CD300LB: variants seen among roughly 807,000 people sequenced by gnomAD.
CD300LB encodes the protein CMRF35-like molecule 7.
In CD300LB, 18 loss-of-function variants were observed where a neutral mutation model predicts 20.8. The observed-to-expected ratio is 0.87, with a 90% CI of 0.60 to 1.28. The LOEUF (loss-of-function observed/expected upper bound fraction) is 1.28. Among genes scored for constraint, CD300LB ranks in the 50% most tolerant of loss-of-function variants. The pLI is 0.00. For missense variants in CD300LB, 222 were observed against 251.8 expected, an observed-to-expected ratio of 0.88 and a Z score of 0.80; for synonymous variants, 91 against 91.3, an observed-to-expected ratio of 1.00 and a Z score of 0.02.
intron 2 of CD300LB, among the ~76,000 whole-genome samples, chr17:74,525,496 C>A (rs1364224931): frequency 6.6e-6 from 1 of 152,168 alleles, no homozygotes; most frequent in Non-Finnish European, 1.5e-5. Flanking sequence ...ACCCCCATCC[C>A]AAGCCCCACC....
chr17:74,528,517 G>A (rs954072570), intron 1 of CD300LB, among the ~76,000 whole-genome samples: 2 of 152,202 alleles, frequency 1.3e-5, no homozygotes, highest in Non-Finnish European at 2.9e-5. Context: ...CAAACCAGCA[G>A]CTCCACCACC....
At position 74,521,840 on chromosome 17, in the gene CD300LB, T is replaced by TGAGGA; in HGVS notation, c.*893_*897dup. On this transcript the variant is annotated 3_prime_UTR_variant, in exon 4 of 4. Coordinates refer to ENST00000392621, the MANE Select transcript of CD300LB (RefSeq NM_174892.4). Reference sequence around the variant, plus strand: ...GCCTCATCGCCGTGGGTGAAGCCTGTGAGGAGACAGAACCACTTCCCTAGG... The same window carrying TGAGGA: ...GCCTCATCGCCGTGGGTGAAGCCTGTGAGGAGAGGAGACAGAACCACTTCCCTAGG... 1 of 985,456 alleles carries TGAGGA rather than the reference T, an allele frequency of 1.0e-6. No individual in the cohort carries two copies. Among genetic ancestry groups the TGAGGA allele is most frequent in the Non-Finnish European group, 1.2e-6 (1 of 829,964 alleles). The allele number at this position is 985,456 out of a possible 1,614,324, so 61.0% of individuals were successfully genotyped here.
chr17:74,522,973 G>A, intron 3 of CD300LB, 73 bp from the exon 4 acceptor site: 4 of 1,438,686 alleles, frequency 2.8e-6, no homozygotes, highest in Non-Finnish European at 3.8e-6. Flanking sequence ...CTGACCCTGT[G>A]AGCCACCAGC....
intron 1 of CD300LB, among the ~76,000 whole-genome samples, chr17:74,526,876 C>T (rs562146141): frequency 4.6e-5 from 7 of 152,298 alleles, no homozygotes; most frequent in South Asian, 2.1e-4. Context: ...CAGCACACTG[C>T]GGGGGTACCC....
At chr17:74,524,082 G>C (rs1466536879) in intron 2 of CD300LB, among the ~76,000 whole-genome samples, 3 of 152,160 alleles carry the variant, frequency 2.0e-5, no homozygotes, top group Non-Finnish European at 4.4e-5. Context: ...AAAAGGGAAA[G>C]GGGACTCCAG....
At position 74,522,459 on chromosome 17, in the gene CD300LB, G is replaced by A; in HGVS notation, c.*279C>T. Reference sequence around the variant, plus strand: ...TCTGTGCCCGAGTTATTCCAGCAGTGGGGACAGAGTCGTCCAGTGCTTGAG... The same window carrying A: ...TCTGTGCCCGAGTTATTCCAGCAGTAGGGACAGAGTCGTCCAGTGCTTGAG... On this transcript the variant is annotated 3_prime_UTR_variant, in exon 4 of 4. Transcript: ENST00000392621. The A allele has an allele frequency of 2.6e-6, 3 of 1,156,024 alleles. No homozygotes were observed. The highest frequency in any genetic ancestry group is 3.2e-6 in the Non-Finnish European group (3 of 934,152). The allele number at this position is 1,156,024 out of a possible 1,614,324, so 71.6% of individuals were successfully genotyped here.
Position 74,522,289 on chromosome 17 carries a change from C to G in CD300LB, c.*449G>C, listed in dbSNP as rs1907903423. The stretch of plus-strand genomic sequence containing the variant: ...TCCTATGAACATAAGTCATTAAAAC[C>G]CAACTTTGCTAGAAAAAAAAAAATT... On this transcript the variant is annotated 3_prime_UTR_variant, in exon 4 of 4. Coordinates refer to ENST00000392621, the MANE Select transcript of CD300LB (RefSeq NM_174892.4). The G allele has an allele frequency of 3.0e-6, 3 of 987,466 alleles. No homozygotes were observed. The highest frequency in any genetic ancestry group is 1.1e-4 in the East Asian group (1 of 8,878). The allele number at this position is 987,466 out of a possible 1,614,324, so 61.2% of individuals were successfully genotyped here.
chr17:74,528,350 T>A (rs1908097148), intron 1 of CD300LB, among the ~76,000 whole-genome samples: 3 of 152,094 alleles, frequency 2.0e-5, no homozygotes, highest in Admixed American at 2.0e-4. Context: ...TGCACCTCAA[T>A]TTTAACCAGT....
Position 74,525,966 on chromosome 17 carries a change from C to A in CD300LB, c.152G>T (p.Arg51Leu). The A allele has an allele frequency of 6.2e-7, 1 of 1,614,142 alleles. No homozygotes were observed. The highest frequency in any genetic ancestry group is 8.5e-7 in the Non-Finnish European group (1 of 1,180,040). ...GWETYIKWWCRGVRWDTCKIL... is the reference protein window; with the variant it reads ...GWETYIKWWCLGVRWDTCKIL... ...CTTGCATGTATCCCAGCGCACCCCT[C>A]GGCACCACCACTTAATGTAGGTCTC... The change falls in exon 2 of 4, where the codon CGA becomes CTA. Residue 51 changes from arginine to leucine, a missense_variant. Arg to Leu is a moderately radical substitution (Grantham distance 102, BLOSUM62 -2). Coordinates refer to ENST00000392621, the MANE Select transcript of CD300LB (RefSeq NM_174892.4).
At chr17:74,528,548 G>T (rs1908102219) in intron 1 of CD300LB, among the ~76,000 whole-genome samples, 1 of 152,076 alleles carries the variant, frequency 6.6e-6, no homozygotes, top group Non-Finnish European at 1.5e-5. Context: ...GAAGAGCTTG[G>T]CATCTTCTTT....
chr17:74,522,122 C>G lies in CD300LB; in HGVS notation c.*616G>C, dbSNP rs1907897483. The G allele has an allele frequency of 1.0e-6, 1 of 985,336 alleles. No individual in the cohort carries two copies. Among genetic ancestry groups the G allele is most frequent in the South Asian group, 4.7e-5 (1 of 21,304 alleles). 61.0% of individuals were successfully genotyped at this position (985,336 alleles called of 1,614,324 possible). A position where few individuals can be genotyped will look rare whatever the true frequency, so the allele number is the denominator to read the frequency against. On this transcript the variant is annotated 3_prime_UTR_variant, in exon 4 of 4. Coordinates refer to ENST00000392621, the MANE Select transcript of CD300LB (RefSeq NM_174892.4). ...GGGGAGGACAAGCACCGGGCCGGGC[C>G]AGGGAGGTTCCCATTGCCTCCTCAG...
chr17:74,531,346 C>A lies in CD300LB; in HGVS notation c.5G>T (p.Trp2Leu), dbSNP rs1349195321. The A allele has an allele frequency of 1.9e-6, 3 of 1,609,774 alleles. No individual in the cohort carries two copies. The highest frequency in any genetic ancestry group is 1.1e-5 in the South Asian group (1 of 90,552). M[W>L]LPPALLLLSL... Reference sequence around the variant, plus strand: ...GAGAAGGAGCAGAGCAGGGGGCAGCCACATGGCTCTGCCTTCCCGGCTCCT... The same window carrying A: ...GAGAAGGAGCAGAGCAGGGGGCAGCAACATGGCTCTGCCTTCCCGGCTCCT... Residue 2 changes from tryptophan to leucine, a missense_variant, in exon 1 of 4, where the codon TGG (tryptophan) becomes TTG (leucine). By Grantham distance (61) the Trp-to-Leu change is moderately conservative. Coordinates refer to ENST00000392621, the MANE Select transcript of CD300LB (RefSeq NM_174892.4).
Position 74,521,250 on chromosome 17 carries a change from G to T in CD300LB, c.*1488C>A. On this transcript the variant is annotated 3_prime_UTR_variant, in exon 4 of 4. Transcript: ENST00000392621. The stretch of plus-strand genomic sequence containing the variant: ...AAAGAATGACATCACGTTGACAAGC[G>T]CCCATGTCCCCTCGCCCCTGAGTCC... The T allele has an allele frequency of 2.1e-6, 1 of 467,290 alleles. No homozygotes were observed. The highest frequency in any genetic ancestry group is 2.8e-6 in the Non-Finnish European group (1 of 356,626). 28.9% of individuals were successfully genotyped at this position (467,290 alleles called of 1,614,324 possible). A position where few individuals can be genotyped will look rare whatever the true frequency, so the allele number is the denominator to read the frequency against.
At chr17:74,529,410 C>T (rs1908132437) in intron 1 of CD300LB, among the ~76,000 whole-genome samples, 1 of 152,154 alleles carries the variant, frequency 6.6e-6, no homozygotes, top group African/African-American at 2.4e-5. Flanking sequence ...TGACAGCTCC[C>T]TCAGCTTTCC....
chr17:74,531,390 C>T lies in CD300LB; in HGVS notation c.-40G>A, dbSNP rs765314019. ...GGCTCCTCGTCCGCCTGATCTGCAACCAGTGGCAAATGCAGATCCCAGATG... is the reference window on the plus strand; with the variant it reads ...GGCTCCTCGTCCGCCTGATCTGCAATCAGTGGCAAATGCAGATCCCAGATG... On this transcript the variant is annotated 5_prime_UTR_variant, in exon 1 of 4. It introduces an in-frame stop codon into an upstream open reading frame of the 5' UTR. Transcript: ENST00000392621. 1 of 1,613,048 alleles carries T rather than the reference C, an allele frequency of 6.2e-7. No individual in the cohort carries two copies. Among genetic ancestry groups the T allele is most frequent in the Non-Finnish European group, 8.5e-7 (1 of 1,179,502 alleles).
rs2143098331 is a variant in CD300LB, at chr17:74,531,194, T to C, written c.40+117A>G. On this transcript the variant is annotated intron_variant, in intron 1 of 3. Coordinates refer to ENST00000392621, the MANE Select transcript of CD300LB (RefSeq NM_174892.4). ...CACGATGTCAGTCCCCAGTGCACCT[T>C]TGTCGAATGACTTCACAAAGCCACC... 4.0e-6 allele frequency: 5 copies of C among 1,243,996 alleles called. No homozygotes were observed. In the South Asian group the frequency reaches 4.8e-5, roughly 12 times the overall value. 77.1% of individuals were successfully genotyped at this position (1,243,996 alleles called of 1,614,324 possible).
chr17:74,525,586 C>T (rs1241993931), intron 2 of CD300LB, among the ~76,000 whole-genome samples, 162 bp downstream of exon 2: 3 of 152,034 alleles, frequency 2.0e-5, no homozygotes, highest in African/African-American at 7.3e-5. Context: ...CTGTCACCTC[C>T]TTCCCAGTCA....
rs72852234 is a variant in CD300LB at position 74,522,104 on chromosome 17, A to C, written c.*634T>G. The C allele has an allele frequency of 0.57, 556,715 of 984,798 alleles. 158,540 individuals carry two copies. The highest frequency in any genetic ancestry group is 0.64 in the Middle Eastern group (1,237 of 1,918). The allele number at this position is 984,798 out of a possible 1,614,324, so 61.0% of individuals were successfully genotyped here. A position where few individuals can be genotyped will look rare whatever the true frequency, so the allele number is the denominator to read the frequency against. ...AGGAGGAAGAGGTGGGAGGGGGAGG[A>C]CAAGCACCGGGCCGGGCCAGGGAGG... is the stretch of plus-strand genomic sequence containing the variant. On this transcript the variant is annotated 3_prime_UTR_variant, in exon 4 of 4. Coordinates refer to ENST00000392621, the MANE Select transcript of CD300LB (RefSeq NM_174892.4).
intron 1 of CD300LB, among the ~76,000 whole-genome samples, chr17:74,530,245 C>T (rs1463706681): frequency 6.6e-6 from 1 of 152,172 alleles, no homozygotes. Context: ...AACTGTGTGG[C>T]CCACACACAT....
Sources: allele counts gnomAD v4.1 joint callset (sites outside exome capture counted in the v4.1 genomes callset), GRCh38; gene constraint gnomAD v4.1.1; transcripts MANE v1.5; gene names NCBI Gene and HGNC (gene_info 2026-07-23, HGNC 2026-07-21).